SLC25A53: variants seen among roughly 807,000 people sequenced by gnomAD.
SLC25A53 encodes the protein solute carrier family 25 member 53.
In SLC25A53, 5 loss-of-function variants were observed where a neutral mutation model predicts 15.0. The observed-to-expected ratio is 0.33, with a 90% CI of 0.17 to 0.70. The LOEUF is 0.70. Ranked by LOEUF, SLC25A53 falls within the 30% of genes least tolerant of loss-of-function variation. The probability of loss-of-function intolerance (pLI) is 0.67; values close to 1 mark genes in which losing one functional copy is unlikely to be tolerated. For synonymous variants in SLC25A53, 95 were observed against 100.0 expected (o/e 0.95, Z 0.30); for missense variants, 216 against 241.6 (o/e 0.89, Z 0.70).
chrX:104,142,860 ACGGTGAG>A (rs1435299522), intron 1 of SLC25A53, among the ~76,000 whole-genome samples: 5 of 104,663 alleles, frequency 4.8e-5, no homozygotes, highest in Non-Finnish European at 7.8e-5. Flanking sequence ...GGCGGAACTT[ACGGTGAG>A]CCGAGATTGC....
chrX:104,108,892 A>G (rs1327713626), intron 1 of SLC25A53, among the ~76,000 whole-genome samples: 1 of 112,500 alleles, frequency 8.9e-6, no homozygotes, highest in Non-Finnish European at 1.9e-5. Flanking sequence ...TAGAGTGAAT[A>G]GAACTTGGTG....
chrX:104,115,495 C>T (rs1046836877), intron 1 of SLC25A53: 36 of 451,034 alleles, frequency 8.0e-5, no homozygotes, highest in Non-Finnish European at 1.2e-4. Flanking sequence ...ATGGTGTGAC[C>T]TCTGTCCCTG....
chrX:104,141,632 C>CT (rs1415902295), intron 1 of SLC25A53, among the ~76,000 whole-genome samples: 6 of 111,732 alleles, frequency 5.4e-5, no homozygotes, highest in African/African-American at 2.0e-4. Flanking sequence ...GAGTCTCACT[C>CT]TGTCACCCAG....
At chrX:104,110,125 A>G (rs1391693524) in intron 1 of SLC25A53, among the ~76,000 whole-genome samples, 1 of 111,694 alleles carries the variant, frequency 9.0e-6, no homozygotes, top group Non-Finnish European at 1.9e-5. Flanking sequence ...TCTGACACCT[A>G]TTCTTGGTCC....
intron 1 of SLC25A53, among the ~76,000 whole-genome samples, chrX:104,149,875 T>G (rs2147881272): frequency 9.0e-6 from 1 of 111,206 alleles, no homozygotes; most frequent in East Asian, 2.8e-4. Flanking sequence ...TTTGATCTGA[T>G]TTTTTAGGGA....
chrX:104,155,856 C>G (rs1472472251), intron 1 of SLC25A53, among the ~76,000 whole-genome samples: 3 of 109,887 alleles, frequency 2.7e-5, no homozygotes, highest in African/African-American at 1.0e-4. Context: ...CCAACCTGGC[C>G]AACATGGTAA....
chrX:104,136,753 C>T (rs1336529315), intron 1 of SLC25A53, among the ~76,000 whole-genome samples: 3 of 111,954 alleles, frequency 2.7e-5, no homozygotes, highest in African/African-American at 9.8e-5. Flanking sequence ...TTCTCCATGT[C>T]CTGCAAAGTG....
At chrX:104,154,408 T>C (rs1556371004) in intron 1 of SLC25A53, among the ~76,000 whole-genome samples, 4 of 112,471 alleles carry the variant, frequency 3.6e-5, no homozygotes, top group Admixed American at 9.4e-5. Context: ...ACAGCCATTA[T>C]GGAAAACTGT....
intron 1 of SLC25A53, chrX:104,114,963 T>C: frequency 3.3e-6 from 4 of 1,194,662 alleles, no homozygotes; most frequent in Non-Finnish European, 4.5e-6. Context: ...TGGTGGTGTC[T>C]CTGTACCCTT....
intron 1 of SLC25A53, among the ~76,000 whole-genome samples, chrX:104,145,758 G>A (rs947542918): frequency 3.6e-5 from 4 of 112,052 alleles, no homozygotes; most frequent in Admixed American, 9.5e-5. Flanking sequence ...GACCAAACCA[G>A]GAAGAAGTAG....
Position 104,151,410 on chromosome X carries a change from A to T in SLC25A53, c.-32+5468T>A, listed in dbSNP as rs533549546. ...CATTTTTCTCCTAATCTTATTTTGC[A>T]AAGCAAAAACGTGACATTATCATTA... On this transcript the variant is annotated intron_variant, in intron 1 of 1. Transcript: ENST00000594199. Among the ~76,000 whole-genome samples, 5 of 111,596 alleles carry T rather than the reference A, an allele frequency of 4.5e-5. No individual in the cohort carries two copies. The Middle Eastern group carries it at 0.018, about 410-fold the overall frequency.
chrX:104,145,625 A>C (rs782096587), intron 1 of SLC25A53, among the ~76,000 whole-genome samples: 1 of 112,108 alleles, frequency 8.9e-6, no homozygotes, highest in Admixed American at 9.5e-5. Context: ...GATAAAGGGG[A>C]TATCACCACC....
In SLC25A53 at chrX:104,101,037, G is replaced by A. The variant is rs1240056961; in HGVS notation, c.*3297C>T. ...AAGCCTCCAGAACTTCTGACAGATG[G>A]GCTTCAAGTTTGAGTTCACATGACC... On this transcript the variant is annotated 3_prime_UTR_variant, in exon 2 of 2. Transcript: ENST00000594199. 4.5e-5 allele frequency: 5 copies of A among 112,282 alleles called. No individual in the cohort carries two copies. The highest frequency in any genetic ancestry group is 9.4e-5 in the Non-Finnish European group (5 of 53,342). The allele number at this position is 112,282 out of a possible 1,213,427, so 9.3% of individuals were successfully genotyped here. A position where few individuals can be genotyped will look rare whatever the true frequency, so the allele number is the denominator to read the frequency against.
At chrX:104,147,034 A>G (rs1425052016) in intron 1 of SLC25A53, among the ~76,000 whole-genome samples, 8 of 111,846 alleles carry the variant, frequency 7.2e-5, no homozygotes, top group African/African-American at 3.3e-5. Context: ...GAGGCATCAC[A>G]CTACCTCACT....
At position 104,099,328 on chromosome X, in the gene SLC25A53, T is replaced by G. The variant is rs1265188884; in HGVS notation, c.*5006A>C. Reference sequence around the variant, plus strand: ...GAGCTGATGGATATCCCAATTACCTTGATTTAATCATTACACATTGTACAC... The same window carrying G: ...GAGCTGATGGATATCCCAATTACCTGGATTTAATCATTACACATTGTACAC... On this transcript the variant is annotated 3_prime_UTR_variant, in exon 2 of 2. Transcript: ENST00000594199. The G allele has an allele frequency of 8.9e-6, 1 of 112,418 alleles. No individual in the cohort carries two copies. The highest frequency in any genetic ancestry group is 9.4e-5 in the Admixed American group (1 of 10,607). The allele number at this position is 112,418 out of a possible 1,213,427, so 9.3% of individuals were successfully genotyped here.
chrX:104,133,418 G>C (rs2075429984), intron 1 of SLC25A53, among the ~76,000 whole-genome samples: 1 of 111,135 alleles, frequency 9.0e-6, no homozygotes, highest in Admixed American at 9.5e-5. Context: ...TATAGAGGTG[G>C]GTGGCTGGTT....
chrX:104,100,095 A>G lies in SLC25A53; in HGVS notation c.*4239T>C, dbSNP rs1471566659. The G allele has an allele frequency of 8.9e-6, 1 of 111,978 alleles. No individual in the cohort carries two copies. The highest frequency in any genetic ancestry group is 1.9e-5 in the Non-Finnish European group (1 of 53,219). The allele number at this position is 111,978 out of a possible 1,213,427, so 9.2% of individuals were successfully genotyped here. On this transcript the variant is annotated 3_prime_UTR_variant, in exon 2 of 2. Transcript: ENST00000594199. ...GCAACGTCATTTTATTAACTTTAAT[A>G]TACTACACTATATATAGTTATCCCA...
At chrX:104,146,152 C>T (rs2075465988) in intron 1 of SLC25A53, among the ~76,000 whole-genome samples, 1 of 111,860 alleles carries the variant, frequency 8.9e-6, no homozygotes, top group Non-Finnish European at 1.9e-5. Flanking sequence ...GCTGGTTCAC[C>T]ATATGCAAAT....
chrX:104,129,504 C>T (rs1556365038), intron 1 of SLC25A53, among the ~76,000 whole-genome samples: 1 of 110,613 alleles, frequency 9.0e-6, no homozygotes, highest in African/African-American at 3.3e-5. Context: ...AAATATGGCA[C>T]TAGATCGACT....
Sources: gnomAD v4.1 joint callset for allele counts (sites outside exome capture counted in the v4.1 genomes callset) on GRCh38, gnomAD v4.1.1 for gene constraint, MANE v1.5 for transcripts, NCBI Gene and HGNC (gene_info 2026-07-23, HGNC 2026-07-21) for gene names.